The following THRAP3 variants were observed in gnomAD, a reference collection of about 807,000 sequenced individuals.
The protein encoded by THRAP3 is thyroid hormone receptor-associated protein 3.
THRAP3 carries 16 observed loss-of-function variants against 101.0 expected under a neutral mutation model. The ratio of observed to expected loss-of-function variants is 0.16; its 90% confidence interval spans 0.11 to 0.24. The LOEUF (loss-of-function observed/expected upper bound fraction) is 0.24, where lower values mean the gene tolerates loss of function less well. Among genes scored for constraint, THRAP3 ranks in the 10% least tolerant of loss-of-function variants. THRAP3 has a pLI of 1.00. For synonymous variants in THRAP3, 407 were observed against 422.6 expected, an observed-to-expected ratio of 0.96 and a Z score of 0.45; for missense variants, 989 against 1,202.7, an observed-to-expected ratio of 0.82 and a Z score of 2.63.
chr1:36,242,038 C>A, intron 1 of THRAP3: 1 of 177,580 alleles, frequency 5.6e-6, no homozygotes. Flanking sequence ...CTCCATGCAT[C>A]CACAGTCCCG....
chr1:36,251,995 G>A (rs891017119), intron 1 of THRAP3, among the ~76,000 whole-genome samples: 4 of 152,050 alleles, frequency 2.6e-5, no homozygotes, highest in African/African-American at 9.7e-5. Flanking sequence ...AATTGCTTTG[G>A]GATGACTAAT....
chr1:36,209,094 A>T, the THRAP3 span, among the ~76,000 whole-genome samples: 3 of 145,990 alleles, frequency 2.1e-5, no homozygotes, highest in African/African-American at 7.7e-5. Context: ...CTCCCACCTC[A>T]GCCTCTCAAG....
At chr1:36,288,151 A>T (rs547529303) in intron 4 of THRAP3, 2 of 954,000 alleles carry the variant, frequency 2.1e-6, no homozygotes, top group East Asian at 2.3e-4. Context: ...GTTTTATTTT[A>T]TTTATTTATT....
chr1:36,258,130 C>T (rs188815510), intron 1 of THRAP3, among the ~76,000 whole-genome samples: 221 of 152,246 alleles, frequency 1.5e-3, no homozygotes, highest in African/African-American at 5.2e-3. Flanking sequence ...TGAGCCACCA[C>T]GCCCGGCTTG....
At chr1:36,301,125 T>C in intron 10 of THRAP3, 41 bp downstream of exon 10, 1 of 1,590,480 alleles carries the variant, frequency 6.3e-7, no homozygotes, top group African/African-American at 1.3e-5. Context: ...AGACCCTTGC[T>C]CCTACCAGCT....
chr1:36,296,548 C>T, intron 8 of THRAP3, 35 bp from the exon 9 acceptor site: 2 of 1,496,238 alleles, frequency 1.3e-6, no homozygotes, highest in Non-Finnish European at 1.8e-6. Context: ...AGCTCTGAAT[C>T]CCAGAAACCT....
intron 2 of THRAP3, among the ~76,000 whole-genome samples, chr1:36,281,924 T>C (rs1645736602): frequency 6.6e-6 from 1 of 151,970 alleles, no homozygotes. Flanking sequence ...TACAAAAAAA[T>C]TAGCCGGGCA....
At chr1:36,265,294 A>G (rs928808932) in intron 2 of THRAP3, among the ~76,000 whole-genome samples, 2 of 152,224 alleles carry the variant, frequency 1.3e-5, no homozygotes, top group South Asian at 2.1e-4. Context: ...TTTAGTTCAA[A>G]GAGAAGCAAC....
intron 1 of THRAP3, among the ~76,000 whole-genome samples, chr1:36,256,950 C>T (rs1275422058): frequency 1.3e-5 from 2 of 152,144 alleles, no homozygotes; most frequent in Non-Finnish European, 2.9e-5. Context: ...CACCAGCCAC[C>T]TCGCCAGGCT....
upstream of THRAP3, among the ~76,000 whole-genome samples, chr1:36,219,448 G>A (rs373784596): frequency 6.6e-6 from 1 of 152,046 alleles, no homozygotes; most frequent in Non-Finnish European, 1.5e-5. Context: ...TTTTTTAGAT[G>A]GGATCTCACT....
Position 36,289,732 on chromosome 1 carries a change from C to G in THRAP3, c.1713C>G (p.Val571=). The change falls in exon 5 of 12, where the codon GTC becomes GTG. Residue 571 remains valine (V), a synonymous_variant. Coordinates refer to ENST00000354618, the MANE Select transcript of THRAP3 (RefSeq NM_005119.4). The part of the protein sequence containing the change: ...FSITREAQVN[V]RMDSFDEDLA... ...TTACTCGAGAGGCACAGGTCAATGT[C>G]CGGATGGACTCTTTTGATGAGGACC... 6.2e-7 allele frequency: 1 copy of G among 1,612,032 alleles called. No individual in the cohort carries two copies. Among genetic ancestry groups the G allele is most frequent in the Non-Finnish European group, 8.5e-7 (1 of 1,179,246 alleles).
chr1:36,289,607 C>A lies in THRAP3; in HGVS notation c.1588C>A (p.Gln530Lys). The change falls in exon 5 of 12, where the codon CAG becomes AAG. Residue 530 changes from glutamine (Q) to lysine (K), a missense_variant. Transcript: ENST00000354618. Reference sequence around the variant, plus strand: ...CCGAGTGACTGCTTATAAAGCAGTCCAGGAGAAAAGCTCATCACCTCCCCC... The same window carrying A: ...CCGAGTGACTGCTTATAAAGCAGTCAAGGAGAAAAGCTCATCACCTCCCCC... ...NFRVTAYKAVQEKSSSPPPRK... is the reference protein window; with the variant it reads ...NFRVTAYKAVKEKSSSPPPRK... 6.2e-7 allele frequency: 1 copy of A among 1,614,056 alleles called. No homozygotes were observed. Among genetic ancestry groups the A allele is most frequent in the East Asian group, 2.2e-5 (1 of 44,882 alleles).
At position 36,262,230 on chromosome 1, in the gene THRAP3, T is replaced by A. The variant is rs1645455774; in HGVS notation, c.-32+2746T>A. Among the ~76,000 whole-genome samples, 4 of 152,222 alleles carry A rather than the reference T, an allele frequency of 2.6e-5. No individual in the cohort carries two copies. In the South Asian group the frequency reaches 8.3e-4, roughly 32 times the overall value. ...CAAGCCTTAGAAATCCCATGTTTAT[T>A]TTATACCTGTAGCTCATCTCAGTTC... On this transcript the variant is annotated intron_variant, in intron 2 of 11. Transcript: ENST00000354618.
chr1:36,302,812 G>GT (rs770732233), intron 11 of THRAP3, among the ~76,000 whole-genome samples: 4 of 152,188 alleles, frequency 2.6e-5, no homozygotes, highest in Non-Finnish European at 5.9e-5. Flanking sequence ...AGCAAGGATT[G>GT]TTTGAAATGT....
intron 1 of THRAP3, among the ~76,000 whole-genome samples, chr1:36,227,194 T>C (rs1644971785): frequency 6.6e-6 from 1 of 152,146 alleles, no homozygotes; most frequent in Non-Finnish European, 1.5e-5. Flanking sequence ...AGAAGGTTAT[T>C]AGGGAAGCCA....
At chr1:36,211,731 G>C in the THRAP3 span, among the ~76,000 whole-genome samples, 32 of 152,302 alleles carry the variant, frequency 2.1e-4, no homozygotes, top group African/African-American at 6.5e-4. Flanking sequence ...CTGTTCCCCT[G>C]ACTAGAGTGT....
At chr1:36,262,669 C>T (rs749720663) in intron 2 of THRAP3, among the ~76,000 whole-genome samples, 3 of 152,110 alleles carry the variant, frequency 2.0e-5, no homozygotes, top group Non-Finnish European at 4.4e-5. Flanking sequence ...TCAGTTTCTT[C>T]AATTAGAATC....
At chr1:36,289,827 T>C in intron 5 of THRAP3, 63 bp downstream of exon 5, 17 of 1,521,196 alleles carry the variant, frequency 1.1e-5, no homozygotes, top group Non-Finnish European at 1.5e-5. Flanking sequence ...GCCTAGCCTT[T>C]CTCCCTGGGG....
At chr1:36,269,731 C>T (rs1645564214) in intron 2 of THRAP3, among the ~76,000 whole-genome samples, 1 of 151,590 alleles carries the variant, frequency 6.6e-6, no homozygotes, top group South Asian at 2.1e-4. Context: ...CCATCATGCC[C>T]AGCTAATTTT....
Sources: gnomAD v4.1 joint callset for allele counts (sites outside exome capture counted in the v4.1 genomes callset) on GRCh38, gnomAD v4.1.1 for gene constraint, MANE v1.5 for transcripts, NCBI Gene and HGNC (gene_info 2026-07-23, HGNC 2026-07-21) for gene names.